The following EPM2A variants were observed in gnomAD, a reference collection of about 807,000 sequenced individuals.
EPM2A encodes laforin.
EPM2A carries 21 observed loss-of-function variants against 26.5 expected under a neutral mutation model. That is an observed-to-expected ratio of 0.79 (90% confidence interval 0.56 to 1.14). EPM2A has a LOEUF of 1.14. Among genes scored for constraint, EPM2A ranks in the 50% most tolerant of loss-of-function variants. The probability of loss-of-function intolerance (pLI) is 0.00; values close to 1 mark genes in which losing one functional copy is unlikely to be tolerated. For missense variants in EPM2A, 458 were observed against 440.8 expected (o/e 1.04, Z -0.35); for synonymous variants, 217 against 177.6 (o/e 1.22, Z -1.76).
At chr6:145,516,067 C>A (rs890853871) in intron 2 of EPM2A, among the ~76,000 whole-genome samples, 1 of 152,150 alleles carries the variant, frequency 6.6e-6, no homozygotes, top group Non-Finnish European at 1.5e-5. Context: ...GGTAACTGTC[C>A]TTCTCAAACA....
At chr6:145,558,794 C>G (rs1282027364) in intron 2 of EPM2A, among the ~76,000 whole-genome samples, 1 of 150,180 alleles carries the variant, frequency 6.7e-6, no homozygotes, top group African/African-American at 2.5e-5. Context: ...GATACGGTAA[C>G]TGCTTAAAAT....
chr6:145,684,830 C>A (rs143540273), intron 2 of EPM2A: 19 of 152,246 alleles, frequency 1.2e-4, no homozygotes, highest in African/African-American at 4.1e-4. Flanking sequence ...CATAAAACCA[C>A]GAGACATGCT....
At chr6:145,515,015 T>C (rs1780106035) in intron 2 of EPM2A, among the ~76,000 whole-genome samples, 1 of 152,224 alleles carries the variant, frequency 6.6e-6, no homozygotes, top group Admixed American at 6.5e-5. Flanking sequence ...ACTAGCTGCC[T>C]TCTGCAGACA....
chr6:145,599,810 T>C (rs1781393259), intron 2 of EPM2A, among the ~76,000 whole-genome samples: 1 of 152,004 alleles, frequency 6.6e-6, no homozygotes, highest in African/African-American at 2.4e-5. Context: ...ACTTAAGTAT[T>C]AAAAATAAAC....
chr6:145,732,241 G>A (rs1052969191), intron 1 of EPM2A, among the ~76,000 whole-genome samples: 72 of 149,380 alleles, frequency 4.8e-4, no homozygotes, highest in African/African-American at 9.7e-4. Context: ...GTGTGTGCGC[G>A]CCAAAGTAAG....
chr6:145,412,304 A>G (rs998669031), intron 4 of EPM2A, among the ~76,000 whole-genome samples: 4 of 152,188 alleles, frequency 2.6e-5, no homozygotes, highest in Non-Finnish European at 5.9e-5. Context: ...ATAATTTTAA[A>G]TAACTACATA....
chr6:145,632,497 C>T (rs1055536963), intron 3 of EPM2A, among the ~76,000 whole-genome samples: 13 of 152,106 alleles, frequency 8.5e-5, no homozygotes, highest in African/African-American at 3.1e-4. Flanking sequence ...TTTTCATTCC[C>T]TAGGTGAAAG....
rs572096174 is a variant in EPM2A, at chr6:145,675,122, G to A, written c.476+11000C>T. Among the ~76,000 whole-genome samples, 28 of 152,300 alleles carry A rather than the reference G, an allele frequency of 1.8e-4. No homozygotes were observed. In the Middle Eastern group the frequency reaches 0.02, roughly 111 times the overall value. Reference sequence around the variant, plus strand: ...CCCTACAAGCCAGAAGAGAGTGGGGGCCAATATTCAACATTCTTAAAGAAA... The same window carrying A: ...CCCTACAAGCCAGAAGAGAGTGGGGACCAATATTCAACATTCTTAAAGAAA... On this transcript the variant is annotated intron_variant, in intron 2 of 3. Transcript: ENST00000367519.
chr6:145,636,596 A>C (rs1446590700), intron 2 of EPM2A: 1 of 152,258 alleles, frequency 6.6e-6, no homozygotes, highest in African/African-American at 2.4e-5. Flanking sequence ...TCATGTTAAC[A>C]ATGTTGACAA....
At chr6:145,620,402 G>A (rs1032377388), downstream of EPM2A, among the ~76,000 whole-genome samples, 5 of 152,058 alleles carry the variant, frequency 3.3e-5, no homozygotes, top group African/African-American at 7.2e-5. Context: ...TGTGTGGCCC[G>A]GTTCCTAACA....
chr6:145,515,834 G>A (rs539638787), intron 2 of EPM2A, among the ~76,000 whole-genome samples: 21 of 152,302 alleles, frequency 1.4e-4, no homozygotes, highest in African/African-American at 2.9e-4. Context: ...GTCACCTTGC[G>A]AAAGGATCCA....
At chr6:145,443,241 G>A (rs139839754) in intron 4 of EPM2A, among the ~76,000 whole-genome samples, 1 of 152,116 alleles carries the variant, frequency 6.6e-6, no homozygotes, top group Non-Finnish European at 1.5e-5. Flanking sequence ...ATGAACCTTA[G>A]AATACATTTT....
intron 4 of EPM2A, among the ~76,000 whole-genome samples, chr6:145,432,796 G>A (rs977996865): frequency 6.6e-6 from 1 of 152,082 alleles, no homozygotes; most frequent in African/African-American, 2.4e-5. Flanking sequence ...TTGAAAATAT[G>A]TTTTCATATT....
chr6:145,713,784 T>G (rs1775467247), intron 1 of EPM2A, among the ~76,000 whole-genome samples: 1 of 152,206 alleles, frequency 6.6e-6, no homozygotes, highest in East Asian at 1.9e-4. Context: ...AAAACTTGTA[T>G]GCAAATGTTC....
downstream of EPM2A, among the ~76,000 whole-genome samples, chr6:145,624,803 A>G (rs1047318955): frequency 5.9e-5 from 9 of 152,138 alleles, no homozygotes; most frequent in East Asian, 1.7e-3. Context: ...CACATTTTTC[A>G]TCATTATTTC....
Position 145,502,525 on chromosome 6 carries a change from C to A in EPM2A, c.391G>T (p.Ala131Ser), listed in dbSNP as rs940078633. Reference sequence around the variant, plus strand: ...GAGGAGGTGCATACTCACTCACCTGCAGTCTCTTCCCACATCCCCGAGCAG... The same window carrying A: ...GAGGAGGTGCATACTCACTCACCTGAAGTCTCTTCCCACATCCCCGAGCAG... The change falls in exon 3 of 4, where the codon GCA becomes TCA. Residue 131 changes from alanine to serine, a missense_variant. Coordinates refer to the EPM2A transcript ENST00000450221. 18 of 470,194 alleles carry A rather than the reference C, an allele frequency of 3.8e-5. No individual in the cohort carries two copies. In the Admixed American group the frequency reaches 4.2e-4, roughly 11 times the overall value. The allele number at this position is 470,194 out of a possible 1,614,324, so 29.1% of individuals were successfully genotyped here.
At chr6:145,594,070 T>A (rs753515301) in intron 2 of EPM2A, among the ~76,000 whole-genome samples, 8 of 151,790 alleles carry the variant, frequency 5.3e-5, no homozygotes, top group Admixed American at 3.9e-4. Context: ...ATAAGTTTTT[T>A]AAATATGTTG....
intron 4 of EPM2A, among the ~76,000 whole-genome samples, chr6:145,411,889 CA>C (rs1369090567): frequency 6.6e-6 from 1 of 152,042 alleles, no homozygotes; most frequent in Non-Finnish European, 1.5e-5. Flanking sequence ...GTGTGTCTTC[CA>C]AAAACACCTT....
intron 2 of EPM2A, chr6:145,640,187 G>C: frequency 6.6e-6 from 1 of 152,208 alleles, no homozygotes; most frequent in East Asian, 1.9e-4. Flanking sequence ...TGGCACATCA[G>C]ACAGAATGAC....
Sources: gnomAD v4.1 joint callset for allele counts (sites outside exome capture counted in the v4.1 genomes callset) on GRCh38, gnomAD v4.1.1 for gene constraint, MANE v1.5 for transcripts, NCBI Gene and HGNC (gene_info 2026-07-23, HGNC 2026-07-21) for gene names.